The following DGKH variants were observed in gnomAD, a reference collection of about 807,000 sequenced individuals.
The protein encoded by DGKH is DAG kinase eta.
Under a neutral mutation model 159.3 loss-of-function variants are expected in DGKH, and 90 were observed. The observed-to-expected ratio is 0.57, with a 90% CI of 0.48 to 0.67. The LOEUF is 0.67. Among genes scored for constraint, DGKH ranks in the 30% least tolerant of loss-of-function variants. DGKH has a pLI of 0.00. For missense variants in DGKH, 1,181 were observed against 1,506.1 expected (o/e 0.78, Z 3.57); for synonymous variants, 536 against 553.8 (o/e 0.97, Z 0.45).
chr13:42,163,806 G>C (rs988397615), intron 7 of DGKH, among the ~76,000 whole-genome samples: 68 of 151,732 alleles, frequency 4.5e-4, no homozygotes, highest in Non-Finnish European at 8.7e-4. Context: ...CTCCCATTTT[G>C]TAGGTTGCCT....
At chr13:42,174,203 A>C (rs1956544298) in intron 12 of DGKH, 59 bp downstream of exon 12, 1 of 1,353,250 alleles carries the variant, frequency 7.4e-7, no homozygotes, top group African/African-American at 1.5e-5. Flanking sequence ...GAGAAAAAAA[A>C]AAGAAAGAGA....
Position 42,230,706 on chromosome 13 carries a change from A to G in DGKH, c.*1518A>G, listed in dbSNP as rs1245031120. The G allele has an allele frequency of 6.6e-6, 1 of 152,088 alleles. No homozygotes were observed. The allele number at this position is 152,088 out of a possible 1,614,324, so 9.4% of individuals were successfully genotyped here. A position where few individuals can be genotyped will look rare whatever the true frequency, so the allele number is the denominator to read the frequency against. ...TATGTGTATATATACATACATACACATATACATTTATATGTGTATATATAT... is the reference window on the plus strand; with the variant it reads ...TATGTGTATATATACATACATACACGTATACATTTATATGTGTATATATAT... On this transcript the variant is annotated 3_prime_UTR_variant, in exon 30 of 30. Transcript: ENST00000337343.
At chr13:42,122,042 C>T (rs1955083659) in intron 1 of DGKH, among the ~76,000 whole-genome samples, 2 of 152,104 alleles carry the variant, frequency 1.3e-5, no homozygotes, top group African/African-American at 4.8e-5. Flanking sequence ...TCCCCACTAC[C>T]CCAATTAGGT....
chr13:42,057,826 T>C (rs936741600), intron 1 of DGKH, among the ~76,000 whole-genome samples: 3 of 152,038 alleles, frequency 2.0e-5, no homozygotes, highest in African/African-American at 7.3e-5. Context: ...AAATAGAGCA[T>C]GGCTGTGAGT....
intron 29 of DGKH, among the ~76,000 whole-genome samples, chr13:42,225,814 A>T (rs1339087795): frequency 6.6e-6 from 1 of 151,664 alleles, no homozygotes; most frequent in African/African-American, 2.4e-5. Flanking sequence ...ATATATAATG[A>T]TATGTGATAA....
At position 42,049,623 on chromosome 13, in the gene DGKH, A is replaced by G. The variant is rs181748085; in HGVS notation, c.192+658A>G. ...CTTAACCGCACCCTGCATGGCTCCA[A>G]GGGCTGGCCAGGCTTTCGTGTCGCA... On this transcript the variant is annotated intron_variant, in intron 1 of 29. Transcript: ENST00000337343. Among the ~76,000 whole-genome samples, 11 of 152,320 alleles carry G rather than the reference A, an allele frequency of 7.2e-5. No individual in the cohort carries two copies. In the South Asian group the frequency reaches 1.0e-3, roughly 14 times the overall value.
At chr13:42,209,257 C>T in intron 22 of DGKH, 74 bp from the exon 23 acceptor site, 1 of 1,548,654 alleles carries the variant, frequency 6.5e-7, no homozygotes, top group Non-Finnish European at 8.7e-7. Context: ...TAGTCTAATA[C>T]TCAAGCCTTC....
intron 1 of DGKH, among the ~76,000 whole-genome samples, chr13:42,072,464 T>C (rs1044024417): frequency 2.6e-5 from 4 of 152,200 alleles, no homozygotes; most frequent in Non-Finnish European, 4.4e-5. Context: ...ATTGTATTGA[T>C]GTTAAAAGAA....
rs57817448 is a variant in DGKH at position 42,207,113 on chromosome 13, C to CTTTCTT, written c.2601+968_2601+969insTTCTTT. On this transcript the variant is annotated intron_variant, in intron 21 of 29. Transcript: ENST00000337343. ...TCTTTCTTTCTTTCTTTCTTTCTTT[C>CTTTCTT]TCTTTCTCTCTCCTTCCTTCCTTCC... Among the ~76,000 whole-genome samples the CTTTCTT allele has an allele frequency of 9.7e-4, 75 of 77,282 alleles. 9 individuals are homozygous for CTTTCTT. Among genetic ancestry groups the CTTTCTT allele is most frequent in the East Asian group, 4.0e-3 (12 of 3,010 alleles). The allele number at this position is 77,282 out of a possible 152,430, so 50.7% of individuals were successfully genotyped here.
intron 1 of DGKH, among the ~76,000 whole-genome samples, chr13:42,090,131 G>A (rs1253208036): frequency 1.3e-5 from 2 of 152,160 alleles, no homozygotes; most frequent in Admixed American, 1.3e-4. Context: ...GGGACACTCT[G>A]ATTTTGTGGA....
At chr13:42,207,108 T>G (rs59246620) in intron 21 of DGKH, among the ~76,000 whole-genome samples, 7 of 135,472 alleles carry the variant, frequency 5.2e-5, no homozygotes, top group African/African-American at 1.9e-4. Context: ...TTTCTTTCTT[T>G]CTTTCTCTTT....
chr13:42,044,709 T>TG (rs972388828), upstream of DGKH, among the ~76,000 whole-genome samples: 74 of 152,340 alleles, frequency 4.9e-4, no homozygotes, highest in Non-Finnish European at 4.4e-4. Flanking sequence ...CTTAGCATTC[T>TG]GGGGAAGTCA....
intron 20 of DGKH, among the ~76,000 whole-genome samples, chr13:42,202,188 G>A (rs1407723272): frequency 1.3e-5 from 2 of 152,058 alleles, no homozygotes; most frequent in African/African-American, 4.8e-5. Context: ...AAATAAAGTA[G>A]AAAAAGTAGA....
intron 1 of DGKH, among the ~76,000 whole-genome samples, chr13:42,089,841 TG>T (rs1954381099): frequency 6.6e-6 from 1 of 152,180 alleles, no homozygotes; most frequent in African/African-American, 2.4e-5. Context: ...GATTAGGACA[TG>T]GTCTCTTTGT....
chr13:42,228,989 T>C, intron 29 of DGKH, 110 bp from the exon 30 acceptor site: 1 of 869,306 alleles, frequency 1.2e-6, no homozygotes, highest in African/African-American at 1.7e-5. Context: ...AATCCCCAAT[T>C]TTCTATTTTC....
intron 20 of DGKH, among the ~76,000 whole-genome samples, chr13:42,205,148 A>G (rs1449692801): frequency 6.6e-6 from 1 of 152,190 alleles, no homozygotes; most frequent in Non-Finnish European, 1.5e-5. Flanking sequence ...AGGCTTAAAC[A>G]TTTCCATTGG....
intron 1 of DGKH, among the ~76,000 whole-genome samples, chr13:42,106,456 C>T (rs760413935): frequency 4.6e-5 from 7 of 152,136 alleles, no homozygotes; most frequent in Non-Finnish European, 1.0e-4. Flanking sequence ...GCAGCATAGA[C>T]AATGAGAGTA....
In DGKH at chr13:42,199,556, G is replaced by T. The variant is rs1318431863; in HGVS notation, c.2286-10G>T. 6.5e-7 allele frequency: 1 copy of T among 1,547,688 alleles called. No individual in the cohort carries two copies. The highest frequency in any genetic ancestry group is 2.3e-5 in the East Asian group (1 of 44,234). On this transcript the variant is annotated splice_polypyrimidine_tract_variant and intron_variant, in intron 18 of 29. Coordinates refer to ENST00000337343, the MANE Select transcript of DGKH (RefSeq NM_178009.5). ...AATTGACTTTGATGTACTTTTCCCT[G>T]TGATCATAGAGATGGATATTCAGAA... is the stretch of plus-strand genomic sequence containing the variant.
At chr13:42,173,606 TATTTA>T (rs1346527067) in intron 11 of DGKH, among the ~76,000 whole-genome samples, 4 of 152,232 alleles carry the variant, frequency 2.6e-5, no homozygotes, top group African/African-American at 9.6e-5. Flanking sequence ...AGTATGTATT[TATTTA>T]ATTTAAGACA....
Sources: gnomAD v4.1 joint callset for allele counts (sites outside exome capture counted in the v4.1 genomes callset) on GRCh38, gnomAD v4.1.1 for gene constraint, MANE v1.5 for transcripts, NCBI Gene and HGNC (gene_info 2026-07-23, HGNC 2026-07-21) for gene names.